Variants in MARCO observed in about 807,000 individuals in gnomAD.
The protein encoded by MARCO is macrophage receptor MARCO.
In MARCO, 72 loss-of-function variants were observed where a neutral mutation model predicts 70.0. That is an observed-to-expected ratio of 1.03 (90% CI 0.85 to 1.25). The LOEUF (loss-of-function observed/expected upper bound fraction) is 1.25. MARCO is among the 50% of genes most tolerant of loss of function. The probability of loss-of-function intolerance (pLI) is 0.00; values close to 1 mark genes in which losing one functional copy is unlikely to be tolerated. For missense variants in MARCO, 696 were observed against 659.3 expected (o/e 1.06, Z -0.61); for synonymous variants, 273 against 243.1 (o/e 1.12, Z -1.14).
chr2:118,964,465 T>C (rs1160418676), intron 1 of MARCO, among the ~76,000 whole-genome samples: 1 of 152,232 alleles, frequency 6.6e-6, no homozygotes, highest in East Asian at 1.9e-4. Flanking sequence ...TTCTTGTCCA[T>C]TCCCACAGTG....
At chr2:118,957,764 A>C (rs1329147373) in intron 1 of MARCO, among the ~76,000 whole-genome samples, 3 of 152,140 alleles carry the variant, frequency 2.0e-5, no homozygotes, top group Non-Finnish European at 2.9e-5. Context: ...CCTTAACAAA[A>C]TACTAGTTAT....
Position 118,994,646 on chromosome 2 carries a change from C to A in MARCO, c.*126C>A. On this transcript the variant is annotated 3_prime_UTR_variant, in exon 17 of 17. Coordinates refer to ENST00000327097, the MANE Select transcript of MARCO (RefSeq NM_006770.4). ...CTCTGGAGAGGGGCCATTAATAAAG[C>A]TCAACATCATTGGCTGTGGCTGAGT... The A allele has an allele frequency of 1.1e-6, 1 of 906,198 alleles. No individual in the cohort carries two copies. The highest frequency in any genetic ancestry group is 2.6e-5 in the East Asian group (1 of 37,788). 56.1% of individuals were successfully genotyped at this position (906,198 alleles called of 1,614,324 possible).
rs201159804 is a variant in MARCO, at chr2:118,991,880, G to A, written c.1207+5G>A. Reference sequence around the variant, plus strand: ...AGGGAGACCAGGGAGTGAAAGGTAAGGCCTCTGCATCTGATTCCTTTGTTC... The same window carrying A: ...AGGGAGACCAGGGAGTGAAAGGTAAAGCCTCTGCATCTGATTCCTTTGTTC... On this transcript the variant is annotated splice_donor_5th_base_variant and intron_variant, in intron 14 of 16. Coordinates refer to ENST00000327097, the MANE Select transcript of MARCO (RefSeq NM_006770.4). 4.5e-5 allele frequency: 72 copies of A among 1,583,718 alleles called. No individual in the cohort carries two copies. The Admixed American group carries it at 1.2e-3, about 27-fold the overall frequency.
chr2:118,991,793 G>A lies in MARCO; in HGVS notation c.1125G>A (p.Lys375=). The change falls in exon 14 of 17, where the codon AAG becomes AAA. Residue 375 remains lysine, a synonymous_variant. Transcript: ENST00000327097. ...TCCTTCCAGGCCCTGCAGGTGTGAA[G>A]GGAGAACAGGGGAGCCCAGGGCTGG... is the stretch of plus-strand genomic sequence containing the variant. The part of the protein sequence containing the change: ...ESGVPGPAGV[K]GEQGSPGLAG... 6.3e-7 allele frequency: 1 copy of A among 1,591,818 alleles called. No homozygotes were observed. The highest frequency in any genetic ancestry group is 8.5e-7 in the Non-Finnish European group (1 of 1,170,490).
chr2:118,986,652 A>AGAAAGAAAGAAG (rs1558671615), intron 12 of MARCO, among the ~76,000 whole-genome samples: 92 of 48,366 alleles, frequency 1.9e-3, no homozygotes, highest in African/African-American at 2.2e-3. Flanking sequence ...AAAGAAAGAA[A>AGAAAGAAAGAAG]GAAGGAAGGA....
At chr2:118,973,550 G>T (rs1680216052) in intron 4 of MARCO, among the ~76,000 whole-genome samples, 1 of 152,208 alleles carries the variant, frequency 6.6e-6, no homozygotes, top group African/African-American at 2.4e-5. Flanking sequence ...CACCCAGGGA[G>T]GCTGTGTTCT....
At chr2:118,985,481 G>A (rs1290669187) in intron 12 of MARCO, among the ~76,000 whole-genome samples, 2 of 152,060 alleles carry the variant, frequency 1.3e-5, no homozygotes, top group Non-Finnish European at 2.9e-5. Flanking sequence ...AAGACAAAGA[G>A]GAAATTCTTC....
At chr2:118,977,701 AC>A (rs1384357670) in intron 7 of MARCO, 126 bp from the exon 8 acceptor site, 1 of 843,610 alleles carries the variant, frequency 1.2e-6, no homozygotes, top group Non-Finnish European at 1.9e-6. Flanking sequence ...ATGAGCTAGC[AC>A]ATCCCCCAGA....
At position 118,982,148 on chromosome 2, in the gene MARCO, C is replaced by A. The variant is rs1479434291; in HGVS notation, c.902-8C>A. ...ACCACAGCCTGGCAGTCACTACTTT[C>A]CTTTCAGGACAACCTGGACTGCAGG... On this transcript the variant is annotated splice_region_variant and splice_polypyrimidine_tract_variant and intron_variant, in intron 10 of 16. Transcript: ENST00000327097. 2 of 1,601,610 alleles carry A rather than the reference C, an allele frequency of 1.2e-6. No homozygotes were observed. Among genetic ancestry groups the A allele is most frequent in the African/African-American group, 2.7e-5 (2 of 74,678 alleles).
chr2:118,953,528 G>A (rs977027247), intron 1 of MARCO, among the ~76,000 whole-genome samples: 44 of 152,058 alleles, frequency 2.9e-4, no homozygotes, highest in South Asian at 4.1e-4. Context: ...TTATTCATTC[G>A]AAAAGTTTTC....
intron 1 of MARCO, among the ~76,000 whole-genome samples, chr2:118,967,526 G>A (rs935105458): frequency 3.9e-5 from 6 of 152,138 alleles, no homozygotes; most frequent in African/African-American, 1.4e-4. Flanking sequence ...GCTGCTGTGT[G>A]AGCCTGGATT....
intron 1 of MARCO, among the ~76,000 whole-genome samples, chr2:118,966,689 T>G (rs1680057829): frequency 6.6e-6 from 1 of 152,322 alleles, no homozygotes; most frequent in African/African-American, 2.4e-5. Flanking sequence ...GGTTTCAAAA[T>G]ATCTGTATTT....
rs375563109 is a variant in MARCO at position 118,971,507 on chromosome 2, A to T, written c.433A>T (p.Arg145Ter). The part of the protein sequence containing the change: ...DNFTQNPGMF[R>*]IKGEQGAPGL... ...CTCTCCTTCCCTTGCAGGGATGTTC[A>T]GAATCAAAGGTGAACAAGGCGCCCC... Residue 145 changes from arginine to a stop codon, truncating the protein, a stop_gained, in exon 4 of 17, where the codon AGA becomes TGA. Transcript: ENST00000327097. LOFTEE classifies it high-confidence loss of function. 18 of 1,613,918 alleles carry T rather than the reference A, an allele frequency of 1.1e-5. No homozygotes were observed. Among genetic ancestry groups the T allele is most frequent in the Non-Finnish European group, 1.4e-5 (17 of 1,179,942 alleles).
At chr2:118,955,137 A>G (rs1165249423) in intron 1 of MARCO, among the ~76,000 whole-genome samples, 1 of 152,318 alleles carries the variant, frequency 6.6e-6, no homozygotes, top group South Asian at 2.1e-4. Context: ...TCAGGAGGTT[A>G]GTTATTAAGT....
chr2:118,984,038 T>C (rs1680441978), intron 12 of MARCO, among the ~76,000 whole-genome samples: 1 of 152,178 alleles, frequency 6.6e-6, no homozygotes, highest in South Asian at 2.1e-4. Context: ...AAGCACTCTT[T>C]GTAGCACAAC....
At chr2:118,978,342 T>C (rs1343912059) in intron 8 of MARCO, among the ~76,000 whole-genome samples, 1 of 152,182 alleles carries the variant, frequency 6.6e-6, no homozygotes, top group African/African-American at 2.4e-5. Context: ...AGAACAGTGT[T>C]CCTCAAGCCA....
chr2:118,974,387 G>T lies in MARCO; in HGVS notation c.515G>T (p.Gly172Val), dbSNP rs748925565. Residue 172 changes from glycine to valine, a missense_variant, in exon 5 of 17, where the codon GGA becomes GTA. Physicochemically the swap from Gly to Val is moderately radical, Grantham distance 109 (BLOSUM62 -3). Coordinates refer to ENST00000327097, the MANE Select transcript of MARCO (RefSeq NM_006770.4). ...ATGCCTGGTGCCCCTGGCCCGCCGG[G>T]ACCACCTGCTGAGAAGGGAGCCAAG... ...MGMPGAPGPP[G>V]PPAEKGAKGA... 1 of 1,612,058 alleles carries T rather than the reference G, an allele frequency of 6.2e-7. No individual in the cohort carries two copies. The highest frequency in any genetic ancestry group is 1.7e-5 in the Admixed American group (1 of 59,788).
intron 1 of MARCO, chr2:118,949,816 C>T (rs1470559994): frequency 6.6e-6 from 1 of 152,132 alleles, no homozygotes; most frequent in East Asian, 1.9e-4. Context: ...ACGGTCCTTC[C>T]AAGGCTGGCC....
chr2:118,957,398 A>T (rs978480297), intron 1 of MARCO, among the ~76,000 whole-genome samples: 2 of 152,122 alleles, frequency 1.3e-5, no homozygotes, highest in African/African-American at 4.8e-5. Flanking sequence ...GAAGAGATGG[A>T]TAAATTCCTG....
Sources: allele counts gnomAD v4.1 joint callset (sites outside exome capture counted in the v4.1 genomes callset), GRCh38; gene constraint gnomAD v4.1.1; transcripts MANE v1.5; gene names NCBI Gene and HGNC (gene_info 2026-07-23, HGNC 2026-07-21).